UGT1A6: variants seen among roughly 807,000 people sequenced by gnomAD.
The protein encoded by UGT1A6 is UDP glucuronosyltransferase family 1 member A6, also known as UDP-glucuronosyltransferase 1A6.
A neutral mutation model predicts 44.4 loss-of-function variants in UGT1A6; 32 were observed. That is an observed-to-expected ratio of 0.72 (90% CI 0.54 to 0.97). UGT1A6 has a LOEUF of 0.97. Ranked by LOEUF, UGT1A6 falls within the 50% of genes least tolerant of loss-of-function variation. The pLI is 0.00. For synonymous variants in UGT1A6, 238 were observed against 248.5 expected (o/e 0.96, Z 0.40); for missense variants, 685 against 661.9 (o/e 1.03, Z -0.38).
intron 1 of UGT1A6, chr2:233,713,941 T>A: frequency 6.2e-7 from 1 of 1,610,292 alleles, no homozygotes; most frequent in Non-Finnish European, 8.5e-7. Context: ...TGCTTCCATA[T>A]CTACTTATCT....
At chr2:233,750,259 G>C (rs1161591814) in intron 1 of UGT1A6, among the ~76,000 whole-genome samples, 2 of 151,924 alleles carry the variant, frequency 1.3e-5, no homozygotes, top group African/African-American at 2.4e-5. Flanking sequence ...GGTCACCCTT[G>C]CTATGCTTTA....
intron 1 of UGT1A6, among the ~76,000 whole-genome samples, chr2:233,737,437 T>C (rs980239131): frequency 1.1e-4 from 16 of 152,146 alleles, no homozygotes; most frequent in Admixed American, 3.3e-4. Flanking sequence ...GGTGGGAGTG[T>C]CCCGTTTTTC....
intron 1 of UGT1A6, among the ~76,000 whole-genome samples, chr2:233,718,473 G>C (rs2076656513): frequency 6.6e-6 from 1 of 152,232 alleles, no homozygotes; most frequent in African/African-American, 2.4e-5. Context: ...GCTGCAGCCT[G>C]ATAAATATGG....
At chr2:233,724,310 G>T (rs1212736933) in intron 1 of UGT1A6, among the ~76,000 whole-genome samples, 1 of 141,024 alleles carries the variant, frequency 7.1e-6, no homozygotes, top group African/African-American at 2.6e-5. Flanking sequence ...CCTCCCTCCC[G>T]GACGGGGCGG....
intron 1 of UGT1A6, among the ~76,000 whole-genome samples, chr2:233,737,198 G>A (rs2078851013): frequency 6.6e-6 from 1 of 152,216 alleles, no homozygotes; most frequent in Non-Finnish European, 1.5e-5. Flanking sequence ...TTGCTGAGCT[G>A]CGGTGGACTC....
intron 1 of UGT1A6, among the ~76,000 whole-genome samples, chr2:233,761,933 C>T (rs1191781087): frequency 1.3e-5 from 2 of 152,210 alleles, no homozygotes; most frequent in Admixed American, 1.3e-4. Flanking sequence ...AGGCACTTCC[C>T]AGGTGCTGCG....
intron 1 of UGT1A6, among the ~76,000 whole-genome samples, chr2:233,759,071 G>A (rs574786378): frequency 6.6e-6 from 1 of 152,312 alleles, no homozygotes; most frequent in South Asian, 2.1e-4. Context: ...AAGGAATTTG[G>A]AAGAAAGAGA....
At chr2:233,738,830 G>A (rs1258075165) in intron 1 of UGT1A6, 1 of 152,196 alleles carries the variant, frequency 6.6e-6, no homozygotes, top group African/African-American at 2.4e-5. Context: ...AAATAAGGAG[G>A]AACCAAATGT....
At chr2:233,764,035 A>G (rs1459516650) in intron 1 of UGT1A6, among the ~76,000 whole-genome samples, 2 of 152,226 alleles carry the variant, frequency 1.3e-5, no homozygotes, top group Non-Finnish European at 2.9e-5. Context: ...GTGCTAAAGA[A>G]GAATTCTGGG....
At chr2:233,729,228 GC>G in intron 1 of UGT1A6, 1 of 1,614,164 alleles carries the variant, frequency 6.2e-7, no homozygotes, top group African/African-American at 1.3e-5. Flanking sequence ...TGTTGGTGGT[GC>G]CCATTGATGG....
rs192671736 is a variant in UGT1A6, at chr2:233,743,440, G to T, written c.862-23594G>T. 5.4e-5 allele frequency: 74 copies of T among 1,361,822 alleles called. 1 individual carries two copies. The African/African-American group carries it at 9.7e-4, about 18-fold the overall frequency. The allele number at this position is 1,361,822 out of a possible 1,614,324, so 84.4% of individuals were successfully genotyped here. A position where few individuals can be genotyped will look rare whatever the true frequency, so the allele number is the denominator to read the frequency against. Reference sequence around the variant, plus strand: ...CAGGGAGCCAAAGGAACGAAATCCTGTATCAAAAGAAGAAAAAACACCCCC... The same window carrying T: ...CAGGGAGCCAAAGGAACGAAATCCTTTATCAAAAGAAGAAAAAACACCCCC... On this transcript the variant is annotated intron_variant, in intron 1 of 4. Transcript: ENST00000305139.
chr2:233,736,518 C>T (rs567664154), intron 1 of UGT1A6, among the ~76,000 whole-genome samples: 3 of 152,304 alleles, frequency 2.0e-5, no homozygotes, highest in Admixed American at 1.3e-4. Context: ...TCTGTCAACT[C>T]GTCAAAGTCA....
At chr2:233,758,820 C>A (rs1028156613) in intron 1 of UGT1A6, among the ~76,000 whole-genome samples, 1 of 152,084 alleles carries the variant, frequency 6.6e-6, no homozygotes, top group African/African-American at 2.4e-5. Flanking sequence ...GCAGTATATC[C>A]CCCCCAAAAA....
chr2:233,702,417 G>A lies in UGT1A6; in HGVS notation c.861+8552G>A, dbSNP rs1157747013. ...CATGTTATCTACAAATAGAGATAGCGTTACTTCTTCCTTTCTAATAAGGAT... is the reference window on the plus strand; with the variant it reads ...CATGTTATCTACAAATAGAGATAGCATTACTTCTTCCTTTCTAATAAGGAT... On this transcript the variant is annotated intron_variant, in intron 1 of 4. Transcript: ENST00000305139. 7.2e-5 allele frequency among the ~76,000 whole-genome samples: 11 copies of A among 151,972 alleles called. No individual in the cohort carries two copies. The East Asian group carries it at 1.9e-3, about 27-fold the overall frequency.
rs1196428735 is a variant in UGT1A6 at position 233,732,781 on chromosome 2, T to C, written c.862-34253T>C. Reference sequence around the variant, plus strand: ...TTTTTTTTTTTTTTTTGCTTAGGATTGTCTTGGCAATGCAGGCTCTTTTTT... The same window carrying C: ...TTTTTTTTTTTTTTTTGCTTAGGATCGTCTTGGCAATGCAGGCTCTTTTTT... On this transcript the variant is annotated intron_variant, in intron 1 of 4. Transcript: ENST00000305139. Among the ~76,000 whole-genome samples the C allele has an allele frequency of 2.6e-5, 4 of 151,222 alleles. No individual in the cohort carries two copies. In the East Asian group the frequency reaches 7.7e-4, roughly 29 times the overall value.
At chr2:233,772,210 A>AT in intron 4 of UGT1A6, 52 bp from the exon 5 acceptor site, 1 of 1,610,530 alleles carries the variant, frequency 6.2e-7, no homozygotes, top group Non-Finnish European at 8.5e-7. Context: ...TAAAGAGAGG[A>AT]TTGTTCATAC....
chr2:233,756,137 T>C (rs776575222), intron 1 of UGT1A6: 2 of 152,178 alleles, frequency 1.3e-5, no homozygotes, highest in Non-Finnish European at 2.9e-5. Context: ...TCCTGAAAAA[T>C]TACTGGGGAT....
intron 1 of UGT1A6, chr2:233,718,696 A>G: frequency 1.9e-6 from 3 of 1,595,236 alleles, no homozygotes; most frequent in Non-Finnish European, 2.6e-6. Flanking sequence ...GGAGGAGGGC[A>G]CTTTGTCTTC....
chr2:233,724,248 C>A (rs1157079277), intron 1 of UGT1A6, among the ~76,000 whole-genome samples: 1 of 130,578 alleles, frequency 7.7e-6, no homozygotes, highest in Admixed American at 7.2e-5. Context: ...GGCAGAGGCG[C>A]CCCTCACCTC....
Sources: gnomAD v4.1 joint callset for allele counts (sites outside exome capture counted in the v4.1 genomes callset) on GRCh38, gnomAD v4.1.1 for gene constraint, MANE v1.5 for transcripts, NCBI Gene and HGNC (gene_info 2026-07-23, HGNC 2026-07-21) for gene names.